RBM19: variants seen among roughly 807,000 people sequenced by gnomAD.
RBM19 encodes the protein RNA binding motif protein 19.
A neutral mutation model predicts 116.8 loss-of-function variants in RBM19; 94 were observed. The observed-to-expected ratio is 0.80, with a 90% CI of 0.68 to 0.95. The LOEUF is 0.95. Ranked by LOEUF, RBM19 falls within the 40% of genes least tolerant of loss-of-function variation. The pLI is 0.00. For synonymous variants in RBM19, 475 were observed against 494.1 expected, an observed-to-expected ratio of 0.96 and a Z score of 0.51; for missense variants, 1,161 against 1,220.7, an observed-to-expected ratio of 0.95 and a Z score of 0.73.
chr12:113,955,009 A>G (rs754219955), intron 7 of RBM19, 122 bp downstream of exon 7: 5 of 962,166 alleles, frequency 5.2e-6, no homozygotes, highest in South Asian at 1.4e-5. Context: ...TTGGCCCCCA[A>G]TTCCTTCCAG....
intron 21 of RBM19, among the ~76,000 whole-genome samples, chr12:113,891,937 G>T (rs1880990387): frequency 6.6e-6 from 1 of 152,140 alleles, no homozygotes; most frequent in Non-Finnish European, 1.5e-5. Flanking sequence ...TCCGTCGTGT[G>T]TCGGGTAAAC....
chr12:113,878,967 C>T (rs1359135905), intron 21 of RBM19, among the ~76,000 whole-genome samples: 1 of 152,014 alleles, frequency 6.6e-6, no homozygotes, highest in Non-Finnish European at 1.5e-5. Context: ...GGAGTGACAG[C>T]AGGGGCTGCC....
intron 23 of RBM19, among the ~76,000 whole-genome samples, chr12:113,823,747 T>C (rs1874622072): frequency 6.6e-6 from 1 of 152,140 alleles, no homozygotes. Context: ...CTGTGCTGCT[T>C]CCTCACAGCA....
chr12:113,952,628 A>C, intron 7 of RBM19, 38 bp from the exon 8 acceptor site: 1 of 1,543,648 alleles, frequency 6.5e-7, no homozygotes, highest in East Asian at 2.2e-5. Flanking sequence ...CCAACCACAT[A>C]ATAAAAGTAC....
intron 6 of RBM19, among the ~76,000 whole-genome samples, chr12:113,957,549 AGAGT>A (rs1281278155): frequency 6.6e-6 from 1 of 151,942 alleles, no homozygotes; most frequent in Admixed American, 6.6e-5. Context: ...CCTGGGTGAC[AGAGT>A]GAGACTCTGT....
intron 16 of RBM19, among the ~76,000 whole-genome samples, chr12:113,928,847 G>A (rs937505660): frequency 2.1e-4 from 32 of 152,102 alleles, no homozygotes; most frequent in Non-Finnish European, 4.4e-4. Context: ...ATTTCCCTAA[G>A]TCACATGATT....
intron 21 of RBM19, among the ~76,000 whole-genome samples, chr12:113,890,541 G>A (rs1593540076): frequency 6.6e-6 from 1 of 152,218 alleles, no homozygotes; most frequent in South Asian, 2.1e-4. Context: ...AGTGGAACAC[G>A]CTGCCGATCA....
chr12:113,948,357 A>C (rs895908616), intron 10 of RBM19, among the ~76,000 whole-genome samples: 10 of 152,232 alleles, frequency 6.6e-5, no homozygotes, highest in Non-Finnish European at 1.0e-4. Flanking sequence ...AGCAACAACA[A>C]CACTAACCTT....
intron 8 of RBM19, among the ~76,000 whole-genome samples, chr12:113,952,246 G>A (rs1322314627): frequency 6.6e-6 from 1 of 152,200 alleles, no homozygotes; most frequent in Non-Finnish European, 1.5e-5. Flanking sequence ...CGTAATAGGT[G>A]AGCCCACTGA....
chr12:113,915,474 C>T (rs555962640), intron 20 of RBM19, among the ~76,000 whole-genome samples: 10 of 152,110 alleles, frequency 6.6e-5, no homozygotes, highest in African/African-American at 1.2e-4. Flanking sequence ...ATCAATAACC[C>T]GAGGAGGAAC....
At chr12:113,871,831 G>A (rs1487293248) in intron 21 of RBM19, among the ~76,000 whole-genome samples, 1 of 152,120 alleles carries the variant, frequency 6.6e-6, no homozygotes, top group Non-Finnish European at 1.5e-5. Flanking sequence ...GGCGAGCGCC[G>A]CCCGGGAGGC....
At chr12:113,841,088 C>CA (rs1272144002) in intron 23 of RBM19, among the ~76,000 whole-genome samples, 1 of 152,218 alleles carries the variant, frequency 6.6e-6, no homozygotes, top group African/African-American at 2.4e-5. Context: ...AGTGCTCTTT[C>CA]AGAGGGACTC....
intron 23 of RBM19, among the ~76,000 whole-genome samples, chr12:113,830,494 C>T (rs781646751): frequency 2.0e-5 from 3 of 149,252 alleles, no homozygotes; most frequent in Admixed American, 6.9e-5. Context: ...TGACTGGCCA[C>T]GCACAACCCC....
At chr12:113,852,607 C>G (rs1877545251) in intron 22 of RBM19, among the ~76,000 whole-genome samples, 1 of 152,222 alleles carries the variant, frequency 6.6e-6, no homozygotes, top group South Asian at 2.1e-4. Context: ...CCTCTGATCC[C>G]TGGGGGCCCA....
intron 19 of RBM19, 38 bp from the exon 20 acceptor site, chr12:113,918,485 G>A (rs761948932): frequency 2.4e-5 from 39 of 1,605,274 alleles, no homozygotes; most frequent in African/African-American, 2.0e-4. Context: ...TCTCTGTCCC[G>A]AGAAATACTC....
At chr12:113,914,903 T>TC in intron 21 of RBM19, 66 bp downstream of exon 21, 1 of 1,402,878 alleles carries the variant, frequency 7.1e-7, no homozygotes, top group South Asian at 1.2e-5. Flanking sequence ...AAGGCCATCT[T>TC]CCCTGAGACT....
chr12:113,931,282 A>C (rs1869575137), intron 16 of RBM19, among the ~76,000 whole-genome samples: 1 of 152,056 alleles, frequency 6.6e-6, no homozygotes, highest in South Asian at 2.1e-4. Flanking sequence ...AGGCCCCAGA[A>C]CCCAGCTAGT....
chr12:113,880,849 T>G (rs761488747), intron 21 of RBM19, among the ~76,000 whole-genome samples: 20 of 152,138 alleles, frequency 1.3e-4, no homozygotes, highest in Non-Finnish European at 2.9e-4. Context: ...ACATCCCCCA[T>G]GACCCTCTCA....
chr12:113,872,176 C>T (rs547562296), intron 21 of RBM19, among the ~76,000 whole-genome samples: 4 of 148,664 alleles, frequency 2.7e-5, no homozygotes, highest in East Asian at 2.3e-4. Flanking sequence ...TCTGCCCTGC[C>T]GCCCCATCTG....
Sources: gnomAD v4.1 joint callset for allele counts (sites outside exome capture counted in the v4.1 genomes callset) on GRCh38, gnomAD v4.1.1 for gene constraint, MANE v1.5 for transcripts, NCBI Gene and HGNC (gene_info 2026-07-23, HGNC 2026-07-21) for gene names.